The following HPSE2 variants were observed in gnomAD, a reference collection of about 807,000 sequenced individuals.
HPSE2 encodes the protein inactive heparanase-2.
A neutral mutation model predicts 60.5 loss-of-function variants in HPSE2; 38 were observed. The ratio of observed to expected loss-of-function variants is 0.63; its 90% CI spans 0.48 to 0.82. The LOEUF (loss-of-function observed/expected upper bound fraction) is 0.82, where lower values mean the gene tolerates loss of function less well. HPSE2 is among the 40% of genes least tolerant of loss of function. The pLI is 0.00. For synonymous variants in HPSE2, 295 were observed against 293.2 expected (o/e 1.01, Z -0.06); for missense variants, 713 against 740.4 (o/e 0.96, Z 0.43).
At chr10:98,895,648 C>T (rs185105925) in intron 3 of HPSE2, among the ~76,000 whole-genome samples, 20 of 151,942 alleles carry the variant, frequency 1.3e-4, no homozygotes, top group South Asian at 2.1e-4. Context: ...ATGTTTATTG[C>T]GGCACTATTC....
intron 9 of HPSE2, among the ~76,000 whole-genome samples, chr10:98,539,815 CTCTTT>C (rs759106825): frequency 5.9e-5 from 9 of 152,214 alleles, no homozygotes; most frequent in Admixed American, 2.6e-4. Context: ...TTTGATTCTT[CTCTTT>C]TAACTTCCAT....
At chr10:98,471,355 C>T (rs6584210) in intron 11 of HPSE2, among the ~76,000 whole-genome samples, 62,340 of 151,714 alleles carry the variant, frequency 0.41, 14,066 homozygotes, top group African/African-American at 0.62. Flanking sequence ...ATTGGGGTTT[C>T]TAAAGCTCCC....
chr10:98,665,511 G>GA (rs1354976095), intron 6 of HPSE2, among the ~76,000 whole-genome samples: 1 of 152,054 alleles, frequency 6.6e-6, no homozygotes, highest in Non-Finnish European at 1.5e-5. Context: ...AAATGAAAAA[G>GA]AAAAAATCTT....
chr10:99,189,102 T>A (rs1589798732), intron 2 of HPSE2, among the ~76,000 whole-genome samples: 1 of 152,352 alleles, frequency 6.6e-6, no homozygotes, highest in East Asian at 1.9e-4. Context: ...ATGGTATATT[T>A]CTAAGAAGAC....
intron 3 of HPSE2, among the ~76,000 whole-genome samples, chr10:98,772,438 C>A (rs1242901498): frequency 2.6e-5 from 4 of 152,140 alleles, no homozygotes; most frequent in Non-Finnish European, 5.9e-5. Flanking sequence ...AAGACATGGC[C>A]AGGACTTTAG....
At chr10:98,511,321 T>G (rs552164355) in intron 9 of HPSE2, among the ~76,000 whole-genome samples, 114 of 152,138 alleles carry the variant, frequency 7.5e-4, no homozygotes, top group African/African-American at 2.6e-3. Flanking sequence ...TGGCTAATTT[T>G]TTGTATTTTT....
chr10:99,175,627 G>A (rs1847494325), intron 2 of HPSE2, among the ~76,000 whole-genome samples: 2 of 152,218 alleles, frequency 1.3e-5, no homozygotes, highest in Admixed American at 6.5e-5. Context: ...CCAGTCAGGG[G>A]CTTATAGATA....
At chr10:99,087,378 T>C (rs1369244355) in intron 3 of HPSE2, among the ~76,000 whole-genome samples, 1 of 152,194 alleles carries the variant, frequency 6.6e-6, no homozygotes, top group Non-Finnish European at 1.5e-5. Context: ...TTTAATTTAA[T>C]TTCTAAGGAC....
intron 4 of HPSE2, among the ~76,000 whole-genome samples, chr10:98,722,458 C>T (rs935510645): frequency 1.3e-5 from 2 of 151,828 alleles, no homozygotes; most frequent in Non-Finnish European, 2.9e-5. Context: ...TTTCTGGCCT[C>T]CTAAAATATC....
intron 5 of HPSE2, among the ~76,000 whole-genome samples, chr10:98,709,931 G>T (rs1948636083): frequency 6.6e-6 from 1 of 152,138 alleles, no homozygotes; most frequent in South Asian, 2.1e-4. Context: ...CCAGGAACTG[G>T]ATATCTAACT....
At chr10:98,637,551 TACAA>T (rs1946529825) in intron 7 of HPSE2, among the ~76,000 whole-genome samples, 1 of 152,222 alleles carries the variant, frequency 6.6e-6, no homozygotes, top group Non-Finnish European at 1.5e-5. Flanking sequence ...ATCTTCATTT[TACAA>T]ACAAAGAGAC....
the HPSE2 span, among the ~76,000 whole-genome samples, chr10:99,281,332 A>G: frequency 7.9e-6 from 1 of 125,988 alleles, no homozygotes; most frequent in African/African-American, 3.1e-5. Flanking sequence ...TATAATTACT[A>G]TATTTAATAA....
intron 3 of HPSE2, among the ~76,000 whole-genome samples, chr10:98,986,192 C>A (rs537406428): frequency 6.6e-6 from 1 of 152,262 alleles, no homozygotes; most frequent in East Asian, 1.9e-4. Context: ...AATAAACATT[C>A]TTTTCAGCAC....
intron 9 of HPSE2, among the ~76,000 whole-genome samples, chr10:98,607,470 T>C (rs1181813124): frequency 1.3e-5 from 2 of 152,196 alleles, no homozygotes; most frequent in Non-Finnish European, 2.9e-5. Context: ...CCAGGGCTTA[T>C]TGGGCCATTT....
chr10:98,595,899 T>A (rs886564127), intron 9 of HPSE2, among the ~76,000 whole-genome samples: 1 of 152,220 alleles, frequency 6.6e-6, no homozygotes, highest in East Asian at 1.9e-4. Flanking sequence ...TGTTGAGAGT[T>A]TTCATCATGA....
At position 98,780,038 on chromosome 10, in the gene HPSE2, T is replaced by G. The variant is rs1416372346; in HGVS notation, c.611-35982A>C. ...TTTCTCTGAGAAAAATTTTTAAAAA[T>G]TCCATGAACTAAAATTGTTTTCTCT... On this transcript the variant is annotated intron_variant, in intron 3 of 11. Coordinates refer to ENST00000370552, the MANE Select transcript of HPSE2 (RefSeq NM_021828.5). Among the ~76,000 whole-genome samples, 7 of 152,202 alleles carry G rather than the reference T, an allele frequency of 4.6e-5. No homozygotes were observed. The South Asian group carries it at 1.5e-3, about 32-fold the overall frequency.
chr10:98,940,820 T>G (rs141581223), intron 3 of HPSE2, among the ~76,000 whole-genome samples: 18,173 of 140,006 alleles, frequency 0.13, 2,802 homozygotes, highest in South Asian at 0.22. Context: ...TGAACATTGA[T>G]GCAAAAATCC....
chr10:99,245,632 C>T, the HPSE2 span, among the ~76,000 whole-genome samples: 9 of 152,222 alleles, frequency 5.9e-5, no homozygotes, highest in African/African-American at 1.4e-4. Context: ...TACTGAATAA[C>T]GCTAATTGTG....
intron 3 of HPSE2, among the ~76,000 whole-genome samples, chr10:98,956,090 A>G (rs561015115): frequency 1.3e-5 from 2 of 152,276 alleles, no homozygotes; most frequent in South Asian, 2.1e-4. Context: ...CATCCTGCAC[A>G]TGTATCCCAG....
Sources: gnomAD v4.1 joint callset for allele counts (sites outside exome capture counted in the v4.1 genomes callset) on GRCh38, gnomAD v4.1.1 for gene constraint, MANE v1.5 for transcripts, NCBI Gene and HGNC (gene_info 2026-07-23, HGNC 2026-07-21) for gene names.